Variants in SASH1 observed in about 807,000 individuals in gnomAD.
SASH1 encodes the protein SAM and SH3 domain containing 1.
Under a neutral mutation model 125.2 loss-of-function variants are expected in SASH1, and 44 were observed. That is an observed-to-expected ratio of 0.35 (90% CI 0.28 to 0.45). The LOEUF (loss-of-function observed/expected upper bound fraction) is 0.45, where lower values mean the gene tolerates loss of function less well. Ranked by LOEUF, SASH1 falls within the 20% of genes least tolerant of loss-of-function variation. The pLI, the probability that SASH1 is intolerant of heterozygous loss-of-function variation, is 1.00. For synonymous variants in SASH1, 639 were observed against 649.1 expected (o/e 0.98, Z 0.24); for missense variants, 1,426 against 1,614.5 (o/e 0.88, Z 2.00).
chr6:148,311,094 C>CA (rs1554232953), intron 1 of SASH1, among the ~76,000 whole-genome samples: 2 of 143,538 alleles, frequency 1.4e-5, no homozygotes, highest in Admixed American at 1.4e-4. Flanking sequence ...TTTTTCTTTT[C>CA]TTTTTTTTTT....
chr6:148,512,140 T>C (rs1166709498), intron 8 of SASH1, among the ~76,000 whole-genome samples: 1 of 152,086 alleles, frequency 6.6e-6, no homozygotes, highest in Admixed American at 6.6e-5. Flanking sequence ...TGCCTCAGCC[T>C]CCTGAGTAGC....
chr6:148,314,817 C>T (rs183722457), intron 1 of SASH1, among the ~76,000 whole-genome samples: 34 of 148,092 alleles, frequency 2.3e-4, no homozygotes, highest in African/African-American at 7.0e-4. Context: ...AGTGCAGTGC[C>T]GCGATCTTGG....
chr6:148,489,735 A>G (rs950564192), intron 8 of SASH1, among the ~76,000 whole-genome samples: 7 of 152,144 alleles, frequency 4.6e-5, no homozygotes, highest in Middle Eastern at 3.4e-3. Flanking sequence ...ATTGTAAGTG[A>G]CAATGCTTTT....
chr6:148,409,963 G>A (rs779466471), intron 2 of SASH1, among the ~76,000 whole-genome samples: 1 of 151,564 alleles, frequency 6.6e-6, no homozygotes, highest in Non-Finnish European at 1.5e-5. Context: ...CAAAAAAGGA[G>A]AATAACTTTC....
At chr6:148,226,057 A>G in the SASH1 span, among the ~76,000 whole-genome samples, 5 of 152,222 alleles carry the variant, frequency 3.3e-5, no homozygotes, top group African/African-American at 9.7e-5. Flanking sequence ...ATCTCCATAC[A>G]TAATGTATGA....
chr6:148,440,461 T>A, intron 4 of SASH1, 54 bp downstream of exon 4: 1 of 1,490,922 alleles, frequency 6.7e-7, no homozygotes, highest in South Asian at 1.1e-5. Flanking sequence ...GTCTTTTAGG[T>A]CCATGCTGAC....
chr6:148,365,122 CAA>C (rs370006068), intron 1 of SASH1, among the ~76,000 whole-genome samples: 1 of 139,686 alleles, frequency 7.2e-6, no homozygotes, highest in Non-Finnish European at 1.6e-5. Flanking sequence ...GACTCTGTCA[CAA>C]AAAAAAAAAA....
the SASH1 span, among the ~76,000 whole-genome samples, chr6:148,194,679 G>A: frequency 6.0e-3 from 909 of 152,298 alleles, 9 homozygotes; most frequent in African/African-American, 0.02. Context: ...AGGCCAAGGC[G>A]GGAGGATCAC....
the SASH1 span, among the ~76,000 whole-genome samples, chr6:148,244,693 G>A: frequency 6.6e-6 from 1 of 152,106 alleles, no homozygotes; most frequent in African/African-American, 2.4e-5. Context: ...TTTCTCCTGG[G>A]GCCACGTGTC....
chr6:148,493,125 G>A (rs1009703052), intron 8 of SASH1, among the ~76,000 whole-genome samples: 3 of 152,156 alleles, frequency 2.0e-5, no homozygotes, highest in African/African-American at 7.2e-5. Context: ...GTTTTTTGAA[G>A]CAGTTGATTT....
intron 1 of SASH1, among the ~76,000 whole-genome samples, chr6:148,308,900 G>A (rs7740589): frequency 0.65 from 96,985 of 150,106 alleles, 31,571 homozygotes; most frequent in East Asian, 0.83. Flanking sequence ...CCTGACCAAC[G>A]TGGCAAAACC....
chr6:148,525,900 G>C (rs1453483339), intron 11 of SASH1, among the ~76,000 whole-genome samples: 1 of 152,102 alleles, frequency 6.6e-6, no homozygotes, highest in Non-Finnish European at 1.5e-5. Context: ...AAGCAGACCA[G>C]ATCCCTCAGG....
intron 2 of SASH1, among the ~76,000 whole-genome samples, chr6:148,396,941 C>G (rs1005933924): frequency 1.3e-5 from 2 of 152,156 alleles, no homozygotes; most frequent in African/African-American, 4.8e-5. Context: ...CCGTTCCTTT[C>G]TGTTCTGAGT....
Position 148,514,458 on chromosome 6 carries a change from TAAAAAA to T in SASH1, c.862+25_862+30del, listed in dbSNP as rs10710533. The T allele has an allele frequency of 0.029, 16,657 of 567,728 alleles. 4 individuals carry two copies. Among genetic ancestry groups the T allele is most frequent in the East Asian group, 0.063 (549 of 8,660 alleles). The allele number at this position is 567,728 out of a possible 1,614,324, so 35.2% of individuals were successfully genotyped here. On this transcript the variant is annotated splice_donor_5th_base_variant and intron_variant, in intron 9 of 19. Coordinates refer to ENST00000367467, the MANE Select transcript of SASH1 (RefSeq NM_015278.5). ...AAATGAAAAAACCCAGCACTGAAGGTAAAAAAAAAAAAAAAAAAAAAAAAAAAAGGC... is the reference window on the plus strand; with the variant it reads ...AAATGAAAAAACCCAGCACTGAAGGTAAAAAAAAAAAAAAAAAAAAAAGGC...
chr6:148,443,997 G>C (rs1377828634), intron 4 of SASH1, among the ~76,000 whole-genome samples: 2 of 152,206 alleles, frequency 1.3e-5, no homozygotes, highest in Non-Finnish European at 2.9e-5. Flanking sequence ...TCTGTGGGCA[G>C]AAGTTTTCTC....
chr6:148,297,530 A>G (rs926477647), intron 1 of SASH1, among the ~76,000 whole-genome samples: 4 of 152,192 alleles, frequency 2.6e-5, no homozygotes, highest in African/African-American at 9.6e-5. Context: ...TTTGGGATAT[A>G]TATGTATACT....
At chr6:148,235,615 A>G in the SASH1 span, among the ~76,000 whole-genome samples, 1 of 152,194 alleles carries the variant, frequency 6.6e-6, no homozygotes, top group Non-Finnish European at 1.5e-5. Context: ...TGGCTCTTAC[A>G]CATATATTTT....
chr6:148,240,548 G>A, the SASH1 span, among the ~76,000 whole-genome samples: 2 of 152,092 alleles, frequency 1.3e-5, no homozygotes, highest in African/African-American at 4.8e-5. Context: ...TGGCTCTTTG[G>A]CAAAAGAAGA....
chr6:148,205,802 T>G, the SASH1 span, among the ~76,000 whole-genome samples: 4 of 152,192 alleles, frequency 2.6e-5, no homozygotes, highest in African/African-American at 9.7e-5. Flanking sequence ...CCTGAGCCTG[T>G]GCCATACTTA....
Sources: allele counts gnomAD v4.1 joint callset (sites outside exome capture counted in the v4.1 genomes callset), GRCh38; gene constraint gnomAD v4.1.1; transcripts MANE v1.5; gene names NCBI Gene and HGNC (gene_info 2026-07-23, HGNC 2026-07-21).